AGBL1: variants seen among roughly 807,000 people sequenced by gnomAD.
AGBL1 encodes the protein AGBL carboxypeptidase 1.
AGBL1 carries 130 observed loss-of-function variants against 118.9 expected under a neutral mutation model. The ratio of observed to expected loss-of-function variants is 1.09; its 90% CI spans 0.95 to 1.26. The LOEUF (loss-of-function observed/expected upper bound fraction) is 1.26, where lower values mean the gene tolerates loss of function less well. Ranked by LOEUF, AGBL1 falls within the 50% of genes most tolerant of loss-of-function variation. The pLI, the probability that AGBL1 is intolerant of heterozygous loss-of-function variation, is 0.00. For missense variants in AGBL1, 1,584 were observed against 1,298.1 expected (o/e 1.22, Z -3.38); for synonymous variants, 555 against 478.9 (o/e 1.16, Z -2.08).
At chr15:86,721,301 A>G (rs1485088117) in intron 22 of AGBL1, among the ~76,000 whole-genome samples, 6 of 152,238 alleles carry the variant, frequency 3.9e-5, no homozygotes, top group African/African-American at 1.4e-4. Flanking sequence ...CTAATCCACC[A>G]TGATCAAGTG....
intron 23 of AGBL1, among the ~76,000 whole-genome samples, chr15:86,923,157 T>A (rs532727334): frequency 1.1e-4 from 16 of 152,306 alleles, no homozygotes; most frequent in African/African-American, 2.9e-4. Context: ...CTCTCTCTCT[T>A]ACACCAGATA....
intron 21 of AGBL1, among the ~76,000 whole-genome samples, chr15:86,602,571 C>T (rs778108574): frequency 2.0e-5 from 3 of 151,802 alleles, no homozygotes; most frequent in Non-Finnish European, 4.4e-5. Flanking sequence ...TCCTTGCATA[C>T]GAAAAGATTT....
chr15:86,268,956 A>G (rs1211164291), intron 13 of AGBL1, among the ~76,000 whole-genome samples: 1 of 152,224 alleles, frequency 6.6e-6, no homozygotes, highest in Non-Finnish European at 1.5e-5. Flanking sequence ...AAGAGGATGG[A>G]GCAACATTTT....
In AGBL1 at chr15:86,522,928, C is replaced by G; in HGVS notation, c.2674C>G (p.Arg892Gly). ...CCTCTACCACCTGAGCAGCATTGGC[C>G]GAAGTCCCGTGGTGAGTCACTTCCT... Reference protein sequence around the residue: ...GLLYHLSSIGRSPVVFCDFHG... With the variant: ...GLLYHLSSIGGSPVVFCDFHG... Residue 892 changes from arginine to glycine, a missense_variant, in exon 19 of 23, where the codon CGA (arginine) becomes GGA (glycine). Arg to Gly is a moderately radical substitution (Grantham distance 125, BLOSUM62 -2). Transcript: ENST00000614907. 6.2e-7 allele frequency: 1 copy of G among 1,613,900 alleles called. No homozygotes were observed. The highest frequency in any genetic ancestry group is 8.5e-7 in the Non-Finnish European group (1 of 1,179,816).
intron 17 of AGBL1, among the ~76,000 whole-genome samples, chr15:86,339,584 C>G (rs111972135): frequency 0.02 from 3,008 of 152,142 alleles, 39 homozygotes; most frequent in Middle Eastern, 0.065. Flanking sequence ...GCTCTATCAT[C>G]AAGGTAACAG....
intron 18 of AGBL1, among the ~76,000 whole-genome samples, chr15:86,508,409 T>G (rs1013650390): frequency 3.9e-5 from 6 of 152,122 alleles, no homozygotes; most frequent in Non-Finnish European, 5.9e-5. Context: ...TAGAAAAAGA[T>G]TGTGCTTTAG....
chr15:86,566,448 G>T (rs7172458), intron 21 of AGBL1, among the ~76,000 whole-genome samples: 78,589 of 151,960 alleles, frequency 0.52, 20,838 homozygotes, highest in East Asian at 0.83. Flanking sequence ...GGGCTGAGAG[G>T]AATGTAATAC....
chr15:86,874,084 G>A (rs2079768792), intron 22 of AGBL1, among the ~76,000 whole-genome samples: 2 of 152,108 alleles, frequency 1.3e-5, no homozygotes, highest in South Asian at 4.1e-4. Context: ...TGAGGGTCAA[G>A]TCTGATTCAG....
intron 22 of AGBL1, among the ~76,000 whole-genome samples, chr15:86,886,092 T>C (rs2079966454): frequency 6.6e-6 from 1 of 152,170 alleles, no homozygotes; most frequent in South Asian, 2.1e-4. Flanking sequence ...ATCCTGCAAG[T>C]TTTGGACTTC....
chr15:86,410,934 A>C (rs2081610728), intron 18 of AGBL1, among the ~76,000 whole-genome samples: 1 of 123,804 alleles, frequency 8.1e-6, no homozygotes, highest in Non-Finnish European at 1.6e-5. Flanking sequence ...TATATATAAC[A>C]TATATTATAT....
chr15:86,648,121 G>A (rs1245266236), intron 21 of AGBL1, among the ~76,000 whole-genome samples: 1 of 152,202 alleles, frequency 6.6e-6, no homozygotes, highest in African/African-American at 2.4e-5. Flanking sequence ...TGAGAGAAAT[G>A]AGAAGTTAGT....
intron 22 of AGBL1, among the ~76,000 whole-genome samples, chr15:86,880,615 C>T (rs2141530008): frequency 6.6e-6 from 1 of 152,118 alleles, no homozygotes; most frequent in African/African-American, 2.4e-5. Context: ...TATACATGTG[C>T]ACATGCAGAT....
chr15:86,303,993 T>A (rs574394966), intron 17 of AGBL1, among the ~76,000 whole-genome samples: 2 of 152,222 alleles, frequency 1.3e-5, no homozygotes, highest in East Asian at 3.9e-4. Flanking sequence ...CTAAACCCCA[T>A]AATCGTAACT....
chr15:86,381,876 C>T (rs2081117392), intron 17 of AGBL1, among the ~76,000 whole-genome samples: 2 of 152,142 alleles, frequency 1.3e-5, no homozygotes, highest in South Asian at 4.1e-4. Context: ...GAAGGCAGAT[C>T]ATGAAGGGCC....
chr15:86,773,997 G>GC (rs1177605148), intron 22 of AGBL1, among the ~76,000 whole-genome samples: 1 of 152,078 alleles, frequency 6.6e-6, no homozygotes, highest in African/African-American at 2.4e-5. Context: ...GTGTCGGCAA[G>GC]CCCCAATGAC....
At chr15:86,327,645 C>T (rs569913247) in intron 17 of AGBL1, among the ~76,000 whole-genome samples, 42 of 152,178 alleles carry the variant, frequency 2.8e-4, no homozygotes, top group Non-Finnish European at 4.4e-4. Context: ...TTTCTATACA[C>T]GAACCATTGT....
chr15:86,690,604 C>G (rs945141292), intron 22 of AGBL1, among the ~76,000 whole-genome samples: 1 of 152,068 alleles, frequency 6.6e-6, no homozygotes, highest in East Asian at 1.9e-4. Flanking sequence ...AAATTTATCT[C>G]GAATCATTAG....
intron 5 of AGBL1, among the ~76,000 whole-genome samples, chr15:86,192,386 T>C (rs1487578427): frequency 1.3e-5 from 2 of 151,376 alleles, no homozygotes; most frequent in African/African-American, 2.4e-5. Context: ...TATAAACTTA[T>C]ATAGTTTAAA....
intron 1 of AGBL1, among the ~76,000 whole-genome samples, chr15:86,106,942 A>G (rs565563681): frequency 1.2e-4 from 19 of 152,320 alleles, no homozygotes; most frequent in East Asian, 1.2e-3. Context: ...GCAGTGATCA[A>G]TGTTATTTGC....
Sources: allele counts gnomAD v4.1 joint callset (sites outside exome capture counted in the v4.1 genomes callset), GRCh38; gene constraint gnomAD v4.1.1; transcripts MANE v1.5; gene names NCBI Gene and HGNC (gene_info 2026-07-23, HGNC 2026-07-21).